USPL1: variants seen among roughly 807,000 people sequenced by gnomAD.
The protein encoded by USPL1 is SUMO-specific isopeptidase USPL1.
A neutral mutation model predicts 51.5 loss-of-function variants in USPL1; 27 were observed. The ratio of observed to expected loss-of-function variants is 0.52; its 90% CI spans 0.39 to 0.72. The LOEUF (loss-of-function observed/expected upper bound fraction) is 0.72. Ranked by LOEUF, USPL1 falls within the 30% of genes least tolerant of loss-of-function variation. The pLI is 0.00. For missense variants in USPL1, 1,226 were observed against 1,268.0 expected, an observed-to-expected ratio of 0.97 and a Z score of 0.50; for synonymous variants, 451 against 459.6, an observed-to-expected ratio of 0.98 and a Z score of 0.24.
intron 3 of USPL1, 94 bp downstream of exon 3, chr13:30,621,986 T>C: frequency 1.1e-6 from 1 of 924,770 alleles, no homozygotes; most frequent in Non-Finnish European, 1.4e-6. Flanking sequence ...TTTTTTGTTT[T>C]TTAGACTAGA....
Position 30,650,574 on chromosome 13 carries a change from C to CAA in USPL1, c.1239-2558_1239-2557dup, listed in dbSNP as rs34074092. 3.2e-5 allele frequency among the ~76,000 whole-genome samples: 4 copies of CAA among 123,218 alleles called. No individual in the cohort carries two copies. In the East Asian group the frequency reaches 7.6e-4, roughly 23 times the overall value. 80.8% of individuals were successfully genotyped at this position (123,218 alleles called of 152,430 possible). A position where few individuals can be genotyped will look rare whatever the true frequency, so the allele number is the denominator to read the frequency against. On this transcript the variant is annotated intron_variant, in intron 7 of 8. Coordinates refer to ENST00000255304, the MANE Select transcript of USPL1 (RefSeq NM_005800.5). ...CCTGGGCAACAGAGTGAGACTGTCTCAAAAAAAAAAAAAAAAAGAAAGAAA... is the reference window on the plus strand; with the variant it reads ...CCTGGGCAACAGAGTGAGACTGTCTCAAAAAAAAAAAAAAAAAAAGAAAGAAA...
chr13:30,650,903 T>G (rs997636496), intron 7 of USPL1, among the ~76,000 whole-genome samples: 1 of 151,736 alleles, frequency 6.6e-6, no homozygotes, highest in East Asian at 1.9e-4. Flanking sequence ...GGCAGGAGAA[T>G]CGCTTGAACC....
At position 30,658,920 on chromosome 13, in the gene USPL1, T is replaced by A. The variant is rs760166616; in HGVS notation, c.2843T>A (p.Ile948Asn). The change falls in exon 9 of 9, where the codon ATT (isoleucine) becomes AAT (asparagine). Residue 948 changes from isoleucine (I) to asparagine (N), a missense_variant. Ile to Asn is a moderately radical substitution (Grantham distance 149). Coordinates refer to ENST00000255304, the MANE Select transcript of USPL1 (RefSeq NM_005800.5). ...AATGAGCTACCATATCCAATTGATA[T>A]TGCCAGTGAGTCTGCATGCACCACT... ...LLNELPYPID[I>N]ASESACTTVP... The A allele has an allele frequency of 6.2e-7, 1 of 1,614,214 alleles. No homozygotes were observed. The highest frequency in any genetic ancestry group is 1.3e-5 in the African/African-American group (1 of 75,052).
At chr13:30,647,206 A>G (rs1308591592) in intron 7 of USPL1, 149 bp downstream of exon 7, 3 of 928,886 alleles carry the variant, frequency 3.2e-6, no homozygotes, top group East Asian at 5.4e-5. Flanking sequence ...GCCTCGCTCT[A>G]TCTGGCCAGT....
At chr13:30,641,074 GCTT>G (rs1282675979) in intron 5 of USPL1, among the ~76,000 whole-genome samples, 1 of 152,178 alleles carries the variant, frequency 6.6e-6, no homozygotes, top group Non-Finnish European at 1.5e-5. Context: ...ATTGTTAGTT[GCTT>G]CTCTAGTACT....
At chr13:30,630,423 T>A (rs1950785719) in intron 3 of USPL1, among the ~76,000 whole-genome samples, 1 of 152,226 alleles carries the variant, frequency 6.6e-6, no homozygotes, top group Non-Finnish European at 1.5e-5. Flanking sequence ...CAGAAATTAC[T>A]CTGTGCACTT....
At chr13:30,641,816 A>T (rs1053470450) in intron 5 of USPL1, among the ~76,000 whole-genome samples, 21 of 152,318 alleles carry the variant, frequency 1.4e-4, no homozygotes, top group Non-Finnish European at 2.6e-4. Context: ...GTGGAACAAG[A>T]TGATCAGAAT....
At position 30,638,941 on chromosome 13, in the gene USPL1, G is replaced by A. The variant is rs1178105330; in HGVS notation, c.982+1084G>A. Among the ~76,000 whole-genome samples the A allele has an allele frequency of 7.3e-5, 11 of 150,660 alleles. No individual in the cohort carries two copies. The East Asian group carries it at 2.1e-3, about 29-fold the overall frequency. ...ACTTAGAATATATTTTATAAGGCTG[G>A]GCTTGGTGGCTCATGCTTGTAATCC... On this transcript the variant is annotated intron_variant, in intron 5 of 8. Coordinates refer to ENST00000255304, the MANE Select transcript of USPL1 (RefSeq NM_005800.5).
chr13:30,640,552 G>A (rs1453520535), intron 5 of USPL1, among the ~76,000 whole-genome samples: 1 of 152,062 alleles, frequency 6.6e-6, no homozygotes, highest in African/African-American at 2.4e-5. Context: ...TTAGCCGGAC[G>A]TGGTGTAGGT....
rs767665822 is a variant in USPL1, at chr13:30,658,659, C to T, written c.2582C>T (p.Ala861Val). Residue 861 changes from alanine to valine, a missense_variant, in exon 9 of 9, where the codon GCT (alanine) becomes GTT (valine). Physicochemically the swap from Ala to Val is moderately conservative, Grantham distance 64 (BLOSUM62 0). Transcript: ENST00000255304. ...AAGTCTGGAAGCACCTCATGTGGAG[C>T]TCAACTCAACCACAGTTCTTATGGG... Reference protein sequence around the residue: ...LEKSGSTSCGAQLNHSSYGNG... With the variant: ...LEKSGSTSCGVQLNHSSYGNG... 5.6e-5 allele frequency: 91 copies of T among 1,614,102 alleles called. No individual in the cohort carries two copies. The highest frequency in any genetic ancestry group is 7.3e-5 in the Non-Finnish European group (86 of 1,180,046).
intron 8 of USPL1, among the ~76,000 whole-genome samples, chr13:30,655,813 T>C (rs1444551503): frequency 6.6e-6 from 1 of 152,234 alleles, no homozygotes; most frequent in Admixed American, 6.5e-5. Context: ...ATCCAAGGAA[T>C]AGGAAATGTT....
chr13:30,644,826 GTAAT>G (rs1950996826), intron 6 of USPL1, among the ~76,000 whole-genome samples: 1 of 152,160 alleles, frequency 6.6e-6, no homozygotes, highest in Non-Finnish European at 1.5e-5. Context: ...GTAAACTTTT[GTAAT>G]AGTCCCCAAA....
intron 1 of USPL1, among the ~76,000 whole-genome samples, chr13:30,620,655 G>T (rs1321755507): frequency 6.6e-6 from 1 of 152,184 alleles, no homozygotes; most frequent in African/African-American, 2.4e-5. Context: ...ATGGTTCACT[G>T]GTTCTTTTGT....
chr13:30,652,515 T>G (rs560981583), intron 7 of USPL1, among the ~76,000 whole-genome samples: 112 of 152,378 alleles, frequency 7.4e-4, no homozygotes, highest in African/African-American at 2.6e-3. Context: ...TGGTTCAGCA[T>G]GTTGCTGTAA....
intron 8 of USPL1, among the ~76,000 whole-genome samples, chr13:30,654,324 T>C (rs768683770): frequency 2.4e-4 from 36 of 152,048 alleles, no homozygotes; most frequent in Non-Finnish European, 4.4e-4. Context: ...CCGCCCTTCC[T>C]TCCTTCGTTC....
At chr13:30,635,595 A>G (rs1419403663) in intron 4 of USPL1, among the ~76,000 whole-genome samples, 1 of 152,154 alleles carries the variant, frequency 6.6e-6, no homozygotes, top group African/African-American at 2.4e-5. Context: ...GTCTTGATGC[A>G]TATTTTTTCT....
chr13:30,652,371 C>G (rs768471389), intron 7 of USPL1, among the ~76,000 whole-genome samples: 12 of 152,134 alleles, frequency 7.9e-5, no homozygotes, highest in Non-Finnish European at 1.8e-4. Flanking sequence ...TTCATTTAGG[C>G]TGAATAAATT....
chr13:30,657,508 A>G lies in USPL1; in HGVS notation c.1431A>G (p.Pro477=), dbSNP rs773463280. 4.2e-5 allele frequency: 68 copies of G among 1,608,990 alleles called. 1 individual carries two copies. The Middle Eastern group carries it at 5.0e-4, about 12-fold the overall frequency. The part of the protein sequence containing the change: ...SWLECDDLKG[P]CSERHKKFEV... ...TGGAATGTGATGACTTAAAAGGCCC[A>G]TGTTCTGAAAGGCACAAGAAATTTG... The change falls in exon 9 of 9, where the codon CCA becomes CCG. Residue 477 remains proline (P), a synonymous_variant. Coordinates refer to ENST00000255304, the MANE Select transcript of USPL1 (RefSeq NM_005800.5).
chr13:30,631,844 G>A (rs1950810364), intron 4 of USPL1, among the ~76,000 whole-genome samples: 1 of 152,174 alleles, frequency 6.6e-6, no homozygotes, highest in African/African-American at 2.4e-5. Context: ...CCCAGCATGT[G>A]GGAAAGATGT....
Sources: allele counts gnomAD v4.1 joint callset (sites outside exome capture counted in the v4.1 genomes callset), GRCh38; gene constraint gnomAD v4.1.1; transcripts MANE v1.5; gene names NCBI Gene and HGNC (gene_info 2026-07-23, HGNC 2026-07-21).